Variants in NTN1 observed in about 807,000 individuals in gnomAD.
NTN1 encodes the protein netrin-1.
Under a neutral mutation model 54.2 loss-of-function variants are expected in NTN1, and 11 were observed. That is an observed-to-expected ratio of 0.20 (90% CI 0.13 to 0.34). The LOEUF (loss-of-function observed/expected upper bound fraction) is 0.34. NTN1 is among the 10% of genes least tolerant of loss of function. The pLI is 1.00. For missense variants in NTN1, 740 were observed against 893.1 expected, an observed-to-expected ratio of 0.83 and a Z score of 2.18; for synonymous variants, 371 against 382.0, an observed-to-expected ratio of 0.97 and a Z score of 0.33.
intron 4 of NTN1, among the ~76,000 whole-genome samples, chr17:9,180,462 C>T (rs10432012): frequency 1.3e-5 from 2 of 152,164 alleles, no homozygotes; most frequent in East Asian, 3.9e-4. Flanking sequence ...CTCAGCAGAG[C>T]CAGCCTGTCT....
At chr17:9,073,915 T>C (rs748774205) in intron 2 of NTN1, among the ~76,000 whole-genome samples, 4 of 152,236 alleles carry the variant, frequency 2.6e-5, no homozygotes, top group Non-Finnish European at 5.9e-5. Flanking sequence ...CTGGGCTGTT[T>C]CCTACCGTTT....
intron 2 of NTN1, among the ~76,000 whole-genome samples, chr17:9,121,631 G>T (rs1252796287): frequency 6.6e-6 from 1 of 152,130 alleles, no homozygotes; most frequent in Non-Finnish European, 1.5e-5. Context: ...GCAGCCATCC[G>T]TACCCTACTC....
At chr17:9,159,265 C>T (rs533170582) in intron 2 of NTN1, among the ~76,000 whole-genome samples, 66 of 152,196 alleles carry the variant, frequency 4.3e-4, no homozygotes, top group African/African-American at 1.5e-3. Flanking sequence ...AATAGAAAAA[C>T]AATACATGGG....
At position 9,242,519 on chromosome 17, in the gene NTN1, T is replaced by C. The variant is rs7223351; in HGVS notation, c.*2551T>C. ...ACGGGTGTCCTGTGAGGGGCTTGCA[T>C]TTGTGGTGGTCTCTGAGGCCACCTC... On this transcript the variant is annotated 3_prime_UTR_variant, in exon 7 of 7. Coordinates refer to ENST00000173229, the MANE Select transcript of NTN1 (RefSeq NM_004822.3). The C allele has an allele frequency of 0.85, 129,887 of 152,278 alleles. 56,064 individuals are homozygous for C. Among genetic ancestry groups the C allele is most frequent in the Non-Finnish European group, 0.93 (63,010 of 68,048 alleles). The allele number at this position is 152,278 out of a possible 1,614,324, so 9.4% of individuals were successfully genotyped here. A position where few individuals can be genotyped will look rare whatever the true frequency, so the allele number is the denominator to read the frequency against.
chr17:9,136,461 T>C (rs1048797119), intron 2 of NTN1, among the ~76,000 whole-genome samples: 3 of 151,938 alleles, frequency 2.0e-5, no homozygotes, highest in African/African-American at 7.3e-5. Context: ...CCTGTAATCC[T>C]AGCTACTCAG....
At chr17:9,137,181 T>C (rs1438977564) in intron 2 of NTN1, among the ~76,000 whole-genome samples, 1 of 152,174 alleles carries the variant, frequency 6.6e-6, no homozygotes, top group Non-Finnish European at 1.5e-5. Context: ...TTTCATCCTA[T>C]GTTGTCAGTG....
intron 2 of NTN1, among the ~76,000 whole-genome samples, chr17:9,030,347 G>T (rs1567694194): frequency 6.6e-6 from 1 of 152,246 alleles, no homozygotes; most frequent in Non-Finnish European, 1.5e-5. Flanking sequence ...ACCACCCCCA[G>T]CAATCCCTGG....
At chr17:9,085,640 G>A (rs1023261405) in intron 2 of NTN1, among the ~76,000 whole-genome samples, 10 of 152,166 alleles carry the variant, frequency 6.6e-5, no homozygotes, top group Non-Finnish European at 8.8e-5. Flanking sequence ...CAGTGACTTC[G>A]TCTGTGAAGT....
rs530736125 is a variant in NTN1 at position 9,219,640 on chromosome 17, G to A, written c.1412-1528G>A. Among the ~76,000 whole-genome samples, 11 of 152,350 alleles carry A rather than the reference G, an allele frequency of 7.2e-5. No homozygotes were observed. In the East Asian group the frequency reaches 2.1e-3, roughly 29 times the overall value. On this transcript the variant is annotated intron_variant, in intron 5 of 6. Coordinates refer to ENST00000173229, the MANE Select transcript of NTN1 (RefSeq NM_004822.3). This position sits in a 1 kb window ranked among gnomAD's most constrained non-coding sequence, Gnocchi z 4.5. The stretch of plus-strand genomic sequence containing the variant: ...TCACAGGCCAGAGGCCAGCCCTGGA[G>A]AGGTCTCCCTGAACACTCCCTGCAG...
the NTN1 span, among the ~76,000 whole-genome samples, chr17:9,006,750 G>A: frequency 1.3e-5 from 2 of 152,154 alleles, no homozygotes; most frequent in Non-Finnish European, 2.9e-5. Flanking sequence ...TGGATGCCCT[G>A]GTAGGGCCCT....
At chr17:9,044,478 C>T (rs541408390) in intron 2 of NTN1, among the ~76,000 whole-genome samples, 1 of 152,218 alleles carries the variant, frequency 6.6e-6, no homozygotes, top group Admixed American at 6.5e-5. Flanking sequence ...CAGGTGATCC[C>T]ACCTGCCTCA....
At chr17:9,229,915 G>A (rs1412606504) in intron 6 of NTN1, among the ~76,000 whole-genome samples, 1 of 152,094 alleles carries the variant, frequency 6.6e-6, no homozygotes, top group Admixed American at 6.5e-5. Context: ...TGTGGTGGGC[G>A]GTGGTGGATG....
chr17:9,184,043 A>T (rs2092426449), intron 5 of NTN1, among the ~76,000 whole-genome samples: 1 of 152,140 alleles, frequency 6.6e-6, no homozygotes, highest in South Asian at 2.1e-4. Context: ...CCCAGAAAGG[A>T]CTGTAGCGAG....
intron 2 of NTN1, among the ~76,000 whole-genome samples, chr17:9,160,818 A>T (rs549825122): frequency 6.6e-6 from 1 of 152,034 alleles, no homozygotes; most frequent in East Asian, 1.9e-4. Flanking sequence ...TTCGCTGGGC[A>T]TGGTGGCACA....
intron 2 of NTN1, among the ~76,000 whole-genome samples, chr17:9,078,637 A>T (rs2142222180): frequency 6.6e-6 from 1 of 152,350 alleles, no homozygotes; most frequent in Middle Eastern, 3.4e-3. Flanking sequence ...AGAAGGAGTC[A>T]ACCAGGGTAC....
At chr17:9,021,346 C>T (rs1401282896), upstream of NTN1, among the ~76,000 whole-genome samples, 2 of 149,756 alleles carry the variant, frequency 1.3e-5, no homozygotes, top group African/African-American at 4.9e-5. Context: ...CGGGTTCCCA[C>T]CCGCCTGTGC....
intron 2 of NTN1, among the ~76,000 whole-genome samples, chr17:9,083,640 C>T (rs555673820): frequency 2.6e-5 from 4 of 152,258 alleles, no homozygotes; most frequent in South Asian, 2.1e-4. Flanking sequence ...TGTGTGGATA[C>T]GAAGCCTGGA....
At chr17:9,073,221 C>T (rs2092038286) in intron 2 of NTN1, among the ~76,000 whole-genome samples, 1 of 152,184 alleles carries the variant, frequency 6.6e-6, no homozygotes, top group South Asian at 2.1e-4. Context: ...ACCTGGGCCC[C>T]AGACACCTGT....
chr17:9,182,931 C>A lies in NTN1; in HGVS notation c.1373C>A (p.Pro458Gln), dbSNP rs149166851. Reference sequence around the variant, plus strand: ...CCTCACAAAGAGATCCCTGTAGCGCCGCCGACGACTGCAGCCAGCAGCGTG... The same window carrying A: ...CCTCACAAAGAGATCCCTGTAGCGCAGCCGACGACTGCAGCCAGCAGCGTG... The part of the protein sequence containing the change: ...IAPCIKIPVA[P>Q]PTTAASSVEE... The change falls in exon 5 of 7, where the codon CCG (proline) becomes CAG (glutamine). Residue 458 changes from proline to glutamine, a missense_variant. Pro to Gln is a moderately conservative substitution (Grantham distance 76, BLOSUM62 -1). Transcript: ENST00000173229. The A allele has an allele frequency of 1.2e-6, 2 of 1,613,984 alleles. No homozygotes were observed. Among genetic ancestry groups the A allele is most frequent in the African/African-American group, 2.7e-5 (2 of 74,908 alleles).
Sources: gnomAD v4.1 joint callset for allele counts (sites outside exome capture counted in the v4.1 genomes callset) on GRCh38, gnomAD v4.1.1 for gene constraint, Gnocchi (gnomAD v3.1) non-coding constraint, MANE v1.5 for transcripts, NCBI Gene and HGNC (gene_info 2026-07-23, HGNC 2026-07-21) for gene names.